The following PTPRT variants were observed in gnomAD, a reference collection of about 807,000 sequenced individuals.
PTPRT encodes the protein receptor-type tyrosine-protein phosphatase T.
PTPRT carries 56 observed loss-of-function variants against 176.8 expected under a neutral mutation model. The ratio of observed to expected loss-of-function variants is 0.32; its 90% CI spans 0.26 to 0.40. The LOEUF is 0.40. PTPRT is among the 10% of genes least tolerant of loss of function. The probability of loss-of-function intolerance (pLI) is 1.00; values close to 1 mark genes in which losing one functional copy is unlikely to be tolerated. For missense variants in PTPRT, 1,540 were observed against 1,908.2 expected, an observed-to-expected ratio of 0.81 and a Z score of 3.60; for synonymous variants, 783 against 739.0, an observed-to-expected ratio of 1.06 and a Z score of -0.96.
intron 7 of PTPRT, among the ~76,000 whole-genome samples, chr20:42,568,735 G>T (rs1413551444): frequency 6.6e-6 from 1 of 152,034 alleles, no homozygotes; most frequent in African/African-American, 2.4e-5. Context: ...TGCTTCAACT[G>T]TCCTGGATTC....
the PTPRT span, among the ~76,000 whole-genome samples, chr20:42,066,973 C>G: frequency 1.3e-5 from 2 of 151,928 alleles, no homozygotes; most frequent in African/African-American, 4.8e-5. Context: ...TTTTTTTTGG[C>G]AGAGACCTGA....
chr20:43,122,648 C>CCCCCTTCT (rs2013305296), intron 1 of PTPRT, among the ~76,000 whole-genome samples: 1 of 152,164 alleles, frequency 6.6e-6, no homozygotes, highest in African/African-American at 2.4e-5. Context: ...CCTTGGGCCT[C>CCCCCTTCT]CCCCTTCTCT....
intron 1 of PTPRT, among the ~76,000 whole-genome samples, chr20:42,927,262 G>T (rs1295124184): frequency 6.6e-6 from 1 of 152,136 alleles, no homozygotes; most frequent in East Asian, 1.9e-4. Context: ...CCAGCAGAAA[G>T]ATTGTAGAAA....
At chr20:42,538,694 C>T (rs2072519959) in intron 7 of PTPRT, among the ~76,000 whole-genome samples, 1 of 152,176 alleles carries the variant, frequency 6.6e-6, no homozygotes, top group Admixed American at 6.5e-5. Flanking sequence ...TCATACATTC[C>T]TCTTATGCAT....
rs868295248 is a variant in PTPRT at position 42,780,245 on chromosome 20, C to T, written c.541G>A (p.Glu181Lys). 35 of 1,613,906 alleles carry T rather than the reference C, an allele frequency of 2.2e-5. No homozygotes were observed. Among genetic ancestry groups the T allele is most frequent in the African/African-American group, 2.7e-5 (2 of 74,914 alleles). Reference sequence around the variant, plus strand: ...CATGGATGAGCAAGGACCCGGACCTCGTCCACGGCGATGTAGCCAGGATGA... The same window carrying T: ...CATGGATGAGCAAGGACCCGGACCTTGTCCACGGCGATGTAGCCAGGATGA... ...KGHPGYIAVD[E>K]VRVLAHPCRK... is the part of the protein sequence containing the mutation. The change falls in exon 4 of 31, where the codon GAG (glutamate) becomes AAG (lysine). Residue 181 changes from glutamate to lysine, a missense_variant. Physicochemically the swap from Glu to Lys is moderately conservative, Grantham distance 56. This residue lies in a region of PTPRT where 273 missense variants were observed against 432.1 expected (regional missense o/e 0.63). Coordinates refer to ENST00000373187, the MANE Select transcript of PTPRT (RefSeq NM_007050.6).
rs115389443 is a variant in PTPRT at position 43,092,038 on chromosome 20, C to T, written c.88+97608G>A. Reference sequence around the variant, plus strand: ...TGGGGTACGGTTCTCACTGCAGAGACATTCATCCCTGTCTTGCCTGGGTTT... The same window carrying T: ...TGGGGTACGGTTCTCACTGCAGAGATATTCATCCCTGTCTTGCCTGGGTTT... On this transcript the variant is annotated intron_variant, in intron 1 of 30. Transcript: ENST00000373187. Among the ~76,000 whole-genome samples the T allele has an allele frequency of 4.1e-3, 617 of 152,332 alleles. 3 individuals are homozygous for T. The highest frequency in any genetic ancestry group is 0.013 in the African/African-American group (534 of 41,574).
At chr20:42,800,961 AC>A (rs1600758400) in intron 2 of PTPRT, among the ~76,000 whole-genome samples, 2 of 151,884 alleles carry the variant, frequency 1.3e-5, no homozygotes, top group African/African-American at 4.8e-5. Flanking sequence ...CTCCTCACAT[AC>A]CCAGTGAGTG....
intron 11 of PTPRT, among the ~76,000 whole-genome samples, chr20:42,339,148 C>T (rs545188500): frequency 9.9e-5 from 15 of 152,202 alleles, no homozygotes; most frequent in Admixed American, 9.2e-4. Context: ...CAAAAGAACA[C>T]AGATTTGTTC....
chr20:42,534,642 G>GA (rs1205688509), intron 7 of PTPRT, among the ~76,000 whole-genome samples: 5 of 151,764 alleles, frequency 3.3e-5, no homozygotes, highest in Non-Finnish European at 5.9e-5. Flanking sequence ...TCTCAAAAAA[G>GA]AAAAAAAGAT....
At chr20:43,174,779 T>C (rs1385296375) in intron 1 of PTPRT, among the ~76,000 whole-genome samples, 1 of 152,236 alleles carries the variant, frequency 6.6e-6, no homozygotes, top group Non-Finnish European at 1.5e-5. Context: ...CTCCTGGACC[T>C]GGGGATTTCA....
At chr20:43,067,044 A>T (rs2011118452) in intron 1 of PTPRT, among the ~76,000 whole-genome samples, 1 of 152,222 alleles carries the variant, frequency 6.6e-6, no homozygotes, top group South Asian at 2.1e-4. Flanking sequence ...ACAAATATTC[A>T]TAGCAGCATT....
intron 2 of PTPRT, among the ~76,000 whole-genome samples, chr20:42,802,311 G>A (rs2077542503): frequency 6.6e-6 from 1 of 152,218 alleles, no homozygotes. Context: ...CCACAGGGGT[G>A]CTAACTTGTT....
intron 7 of PTPRT, among the ~76,000 whole-genome samples, chr20:42,503,654 C>A (rs1307738569): frequency 1.3e-5 from 2 of 151,934 alleles, no homozygotes; most frequent in African/African-American, 4.8e-5. Flanking sequence ...TCTCGGAGTG[C>A]AGCATTTTAT....
rs2146077569 is a variant in PTPRT at position 42,079,259 on chromosome 20, A to C, written c.*1620T>G. 1 of 207,914 alleles carries C rather than the reference A, an allele frequency of 4.8e-6. No homozygotes were observed. The highest frequency in any genetic ancestry group is 5.9e-5 in the Admixed American group (1 of 16,876). The allele number at this position is 207,914 out of a possible 1,614,324, so 12.9% of individuals were successfully genotyped here. A position where few individuals can be genotyped will look rare whatever the true frequency, so the allele number is the denominator to read the frequency against. On this transcript the variant is annotated 3_prime_UTR_variant, in exon 31 of 31. Coordinates refer to ENST00000373187, the MANE Select transcript of PTPRT (RefSeq NM_007050.6). ...TTCTGCGCTTCCCAGAAGAACTGGC[A>C]TCAGGAAGAAAGTACTAAATTTCCA...
intron 2 of PTPRT, among the ~76,000 whole-genome samples, chr20:42,869,597 C>T (rs543231646): frequency 4.6e-5 from 7 of 152,192 alleles, no homozygotes; most frequent in Non-Finnish European, 8.8e-5. Flanking sequence ...TTTGATTTCA[C>T]AGGCACACAG....
chr20:42,262,409 C>T (rs1568719408), intron 13 of PTPRT, among the ~76,000 whole-genome samples: 1 of 152,162 alleles, frequency 6.6e-6, no homozygotes, highest in Non-Finnish European at 1.5e-5. Flanking sequence ...GGGCCAACAC[C>T]ATGAGATCCC....
chr20:42,349,860 C>T (rs2058250548), intron 11 of PTPRT, among the ~76,000 whole-genome samples: 1 of 152,224 alleles, frequency 6.6e-6, no homozygotes, highest in Admixed American at 6.5e-5. Context: ...ATATCATGAA[C>T]TAGCAGTGGT....
At chr20:42,814,750 A>G (rs974442053) in intron 2 of PTPRT, among the ~76,000 whole-genome samples, 10 of 152,212 alleles carry the variant, frequency 6.6e-5, no homozygotes, top group African/African-American at 2.4e-4. Context: ...CTCCTTGCAA[A>G]TAAACTTCAT....
intron 1 of PTPRT, among the ~76,000 whole-genome samples, chr20:43,182,585 T>G (rs2015287457): frequency 6.6e-6 from 1 of 152,080 alleles, no homozygotes; most frequent in African/African-American, 2.4e-5. Context: ...GAGCTGGCAT[T>G]TCGTCATGTT....
Sources: allele counts gnomAD v4.1 joint callset (sites outside exome capture counted in the v4.1 genomes callset), GRCh38; gene constraint gnomAD v4.1.1; regional missense constraint gnomAD v4.1.1; transcripts MANE v1.5; gene names NCBI Gene and HGNC (gene_info 2026-07-23, HGNC 2026-07-21).